TBC1D8: variants seen among roughly 807,000 people sequenced by gnomAD.
TBC1D8 encodes the protein BUB2-like protein 1.
Under a neutral mutation model 118.8 loss-of-function variants are expected in TBC1D8, and 65 were observed. That is an observed-to-expected ratio of 0.55 (90% CI 0.45 to 0.67). TBC1D8 has a LOEUF of 0.67. Among genes scored for constraint, TBC1D8 ranks in the 30% least tolerant of loss-of-function variants. The pLI is 0.00. For synonymous variants in TBC1D8, 566 were observed against 595.8 expected (o/e 0.95, Z 0.73); for missense variants, 1,376 against 1,471.2 (o/e 0.94, Z 1.06).
chr2:101,101,041 C>T (rs1676791526), intron 1 of TBC1D8, among the ~76,000 whole-genome samples: 1 of 152,146 alleles, frequency 6.6e-6, no homozygotes, highest in East Asian at 1.9e-4. Flanking sequence ...CCAAAATTGA[C>T]AGATGTGATC....
chr2:101,045,901 G>A (rs1681671485), intron 5 of TBC1D8, among the ~76,000 whole-genome samples: 3 of 152,180 alleles, frequency 2.0e-5, no homozygotes, highest in South Asian at 4.1e-4. Flanking sequence ...GCTGAGGCAG[G>A]AGAATCTCTT....
chr2:101,131,012 C>CT (rs1200098546), intron 1 of TBC1D8, among the ~76,000 whole-genome samples: 1 of 152,156 alleles, frequency 6.6e-6, no homozygotes, highest in African/African-American at 2.4e-5. Flanking sequence ...ACAACCTGCC[C>CT]TGCTGGGTGT....
Position 101,151,369 on chromosome 2 carries a change from G to C in TBC1D8, c.-116C>G. ...GCGCGCGGGGACCACAGCCCGGCCG[G>C]TGCCCAGCGCTCTGAGAGCCCGCGG... On this transcript the variant is annotated 5_prime_UTR_variant, in exon 1 of 20. Coordinates refer to ENST00000409318, the MANE Select transcript of TBC1D8 (RefSeq NM_001330348.2). 1 of 1,007,188 alleles carries C rather than the reference G, an allele frequency of 9.9e-7. No homozygotes were observed. The highest frequency in any genetic ancestry group is 1.2e-6 in the Non-Finnish European group (1 of 818,528). The allele number at this position is 1,007,188 out of a possible 1,614,324, so 62.4% of individuals were successfully genotyped here.
chr2:101,050,827 C>A (rs777260838), intron 4 of TBC1D8, among the ~76,000 whole-genome samples, 186 bp from the exon 5 acceptor site: 7 of 152,164 alleles, frequency 4.6e-5, no homozygotes, highest in Non-Finnish European at 1.0e-4. Flanking sequence ...TCATGTCATG[C>A]GGGTTTGCTG....
chr2:101,054,586 C>CG (rs1682275024), intron 3 of TBC1D8, among the ~76,000 whole-genome samples: 1 of 151,304 alleles, frequency 6.6e-6, no homozygotes, highest in Admixed American at 6.6e-5. Flanking sequence ...GTCTCTCACT[C>CG]GGCCACTTAC....
intron 1 of TBC1D8, 54 bp downstream of exon 1, chr2:101,151,073 C>CG: frequency 3.4e-6 from 3 of 882,446 alleles, no homozygotes; most frequent in Non-Finnish European, 4.1e-6. Flanking sequence ...GCGGGCCCGG[C>CG]GGGGTGCGAG....
chr2:101,073,873 GT>G (rs1345644955), intron 2 of TBC1D8, among the ~76,000 whole-genome samples: 1 of 152,202 alleles, frequency 6.6e-6, no homozygotes, highest in Non-Finnish European at 1.5e-5. Context: ...TAAAAGAGAT[GT>G]TGTGGCTTGT....
At chr2:101,018,982 A>G in intron 17 of TBC1D8, 1 of 1,610,996 alleles carries the variant, frequency 6.2e-7, no homozygotes, top group Non-Finnish European at 8.5e-7. Flanking sequence ...AATCATCTGT[A>G]ATATTTCTGT....
At position 101,037,490 on chromosome 2, in the gene TBC1D8, G is replaced by A. The variant is rs191654557; in HGVS notation, c.1452+42C>T. On this transcript the variant is annotated intron_variant, in intron 8 of 19. Transcript: ENST00000409318. ...GCTGGGCAACCCCCCCAAGCCCACG[G>A]CTCAGCTTTGTGGTCCAGCTTGGGC... 1.9e-4 allele frequency: 304 copies of A among 1,599,880 alleles called. 1 individual carries two copies. The Admixed American group carries it at 5.2e-3, about 27-fold the overall frequency.
chr2:101,065,879 G>A (rs1682985464), intron 2 of TBC1D8, among the ~76,000 whole-genome samples: 1 of 152,106 alleles, frequency 6.6e-6, no homozygotes, highest in Admixed American at 6.6e-5. Context: ...AGGAATAGAA[G>A]ACACAGGAAA....
intron 4 of TBC1D8, among the ~76,000 whole-genome samples, chr2:101,052,047 G>A (rs569640346): frequency 6.6e-6 from 1 of 152,276 alleles, no homozygotes; most frequent in African/African-American, 2.4e-5. Flanking sequence ...CCTTTCTCAA[G>A]AATATTTAAA....
At position 101,018,825 on chromosome 2, in the gene TBC1D8, C is replaced by T. The variant is rs17025189; in HGVS notation, c.2827+2856G>A. Among the ~76,000 whole-genome samples, 4,547 of 152,208 alleles carry T rather than the reference C, an allele frequency of 0.03. 246 individuals are homozygous for T. Among genetic ancestry groups the T allele is most frequent in the African/African-American group, 0.1 (4,290 of 41,494 alleles). On this transcript the variant is annotated intron_variant, in intron 17 of 19. Transcript: ENST00000409318. ...CTTTCCAAGGAAAATAAAGTTCTCCCAGGAAGTTCTCCTCTGAAAGTCCAA... is the reference window on the plus strand; with the variant it reads ...CTTTCCAAGGAAAATAAAGTTCTCCTAGGAAGTTCTCCTCTGAAAGTCCAA...
intron 8 of TBC1D8, 90 bp from the exon 9 acceptor site, chr2:101,036,258 GC>G: frequency 1.3e-6 from 2 of 1,486,236 alleles, no homozygotes; most frequent in South Asian, 1.2e-5. Flanking sequence ...AGGAAGTACT[GC>G]CCCTGCTCTC....
chr2:101,072,864 G>C (rs1674542922), intron 2 of TBC1D8, among the ~76,000 whole-genome samples: 1 of 152,112 alleles, frequency 6.6e-6, no homozygotes, highest in South Asian at 2.1e-4. Flanking sequence ...CCATTCAAGA[G>C]GGATCTGCCC....
intron 5 of TBC1D8, among the ~76,000 whole-genome samples, chr2:101,049,919 C>T (rs1445195004): frequency 6.0e-5 from 9 of 151,026 alleles, no homozygotes; most frequent in African/African-American, 1.7e-4. Context: ...CTCCGCCTCC[C>T]GGGTTCACGC....
chr2:101,132,334 C>A (rs186970603), intron 1 of TBC1D8, among the ~76,000 whole-genome samples: 1 of 152,194 alleles, frequency 6.6e-6, no homozygotes, highest in African/African-American at 2.4e-5. Context: ...GAGCAGTCAT[C>A]AACTCCAGTG....
chr2:101,055,330 A>C (rs1682356498), intron 3 of TBC1D8, among the ~76,000 whole-genome samples: 1 of 151,998 alleles, frequency 6.6e-6, no homozygotes, highest in African/African-American at 2.4e-5. Flanking sequence ...CAGAGGTTGC[A>C]GTGAGCCAAG....
rs1387734450 is a variant in TBC1D8 at position 101,029,655 on chromosome 2, C to T, written c.2058G>A (p.Leu686=). The T allele has an allele frequency of 4.3e-6, 7 of 1,614,012 alleles. No homozygotes were observed. The highest frequency in any genetic ancestry group is 4.2e-6 in the Non-Finnish European group (5 of 1,179,900). The part of the protein sequence containing the change: ...ASVSLSWFLT[L]FLSIMPLESA... ...TCTCTAGAGGCATGATGCTGAGGAA[C>T]AGGGTCAGGAACCACGAGAGAGAGA... The change falls in exon 12 of 20, where the codon CTG becomes CTA. Residue 686 remains leucine (L), a synonymous_variant. Transcript: ENST00000409318.
chr2:101,050,352 T>A, intron 5 of TBC1D8, 49 bp downstream of exon 5: 4 of 1,585,966 alleles, frequency 2.5e-6, no homozygotes, highest in Non-Finnish European at 3.4e-6. Flanking sequence ...GGGCACAGCT[T>A]ATGGGTCCCC....
Sources: allele counts gnomAD v4.1 joint callset (sites outside exome capture counted in the v4.1 genomes callset), GRCh38; gene constraint gnomAD v4.1.1; transcripts MANE v1.5; gene names NCBI Gene and HGNC (gene_info 2026-07-23, HGNC 2026-07-21).